ST7L: variants seen among roughly 807,000 people sequenced by gnomAD.
ST7L encodes the protein suppressor of tumorigenicity 7 protein-like.
In ST7L, 57 loss-of-function variants were observed where a neutral mutation model predicts 72.5. The observed-to-expected ratio is 0.79, with a 90% CI of 0.64 to 0.98. The LOEUF is 0.98. Ranked by LOEUF, ST7L falls within the 50% of genes least tolerant of loss-of-function variation. The probability of loss-of-function intolerance (pLI) is 0.00; values close to 1 mark genes in which losing one functional copy is unlikely to be tolerated. For synonymous variants in ST7L, 221 were observed against 240.9 expected, an observed-to-expected ratio of 0.92 and a Z score of 0.77; for missense variants, 576 against 672.2, an observed-to-expected ratio of 0.86 and a Z score of 1.58.
chr1:112,593,332 T>C (rs1339886700), intron 5 of ST7L, among the ~76,000 whole-genome samples: 2 of 152,200 alleles, frequency 1.3e-5, no homozygotes, highest in African/African-American at 2.4e-5. Flanking sequence ...AACAAAATGC[T>C]GATTTGGTAT....
chr1:112,530,271 T>C (rs1654155890), intron 14 of ST7L: 2 of 152,246 alleles, frequency 1.3e-5, no homozygotes, highest in Admixed American at 6.5e-5. Context: ...AGTATTATTA[T>C]AATATTTGCA....
intron 13 of ST7L, among the ~76,000 whole-genome samples, chr1:112,546,765 T>C (rs991011338): frequency 1.3e-5 from 2 of 152,158 alleles, no homozygotes; most frequent in Admixed American, 6.6e-5. Context: ...AGTTTGAAGT[T>C]GCTCTCTATT....
At chr1:112,590,096 T>C (rs1280104626) in intron 6 of ST7L, among the ~76,000 whole-genome samples, 1 of 152,240 alleles carries the variant, frequency 6.6e-6, no homozygotes, top group Admixed American at 6.5e-5. Context: ...ATGTCAATTC[T>C]GGGAGAGTTT....
At chr1:112,547,521 T>C (rs1204248207) in intron 13 of ST7L, among the ~76,000 whole-genome samples, 1 of 145,946 alleles carries the variant, frequency 6.9e-6, no homozygotes, top group Non-Finnish European at 1.5e-5. Flanking sequence ...ATGTATTCCA[T>C]ACATGTAGCA....
intron 7 of ST7L, among the ~76,000 whole-genome samples, chr1:112,583,720 A>C (rs1664459784): frequency 6.6e-6 from 1 of 152,198 alleles, no homozygotes; most frequent in Admixed American, 6.5e-5. Flanking sequence ...ACATGAAATA[A>C]ATTACTGTTA....
At chr1:112,591,625 A>G in intron 5 of ST7L, 22 bp from the exon 6 acceptor site, 1 of 1,584,210 alleles carries the variant, frequency 6.3e-7, no homozygotes, top group South Asian at 1.1e-5. Flanking sequence ...AATTCCATAA[A>G]ATAGATGAGA....
intron 9 of ST7L, among the ~76,000 whole-genome samples, chr1:112,579,950 A>G (rs1663817885): frequency 6.6e-6 from 1 of 152,214 alleles, no homozygotes; most frequent in South Asian, 2.1e-4. Flanking sequence ...TGTATCCAGT[A>G]AGTTACATAT....
At chr1:112,589,557 T>C (rs1665371506) in intron 6 of ST7L, among the ~76,000 whole-genome samples, 1 of 152,248 alleles carries the variant, frequency 6.6e-6, no homozygotes, top group South Asian at 2.1e-4. Flanking sequence ...GTTGTTTGTT[T>C]AGTGACTTTT....
chr1:112,524,010 C>T lies in ST7L; in HGVS notation c.*2003G>A, dbSNP rs201433929. 1 of 150,748 alleles carries T rather than the reference C, an allele frequency of 6.6e-6. No homozygotes were observed. 9.3% of individuals were successfully genotyped at this position (150,748 alleles called of 1,614,324 possible). ...AGGGGCTTCAGATTAAAAAAAAAAA[C>T]AAAAAACAAAAAACAAAAACAAACA... On this transcript the variant is annotated 3_prime_UTR_variant, in exon 15 of 15. Transcript: ENST00000358039.
intron 2 of ST7L, among the ~76,000 whole-genome samples, chr1:112,616,226 G>T (rs573741203): frequency 1.4e-4 from 22 of 152,132 alleles, no homozygotes; most frequent in Admixed American, 7.2e-4. Context: ...TTACCAACTT[G>T]GGCTCTGCAG....
intron 1 of ST7L, 50 bp from the exon 2 acceptor site, chr1:112,616,945 C>T (rs1367320660): frequency 2.3e-6 from 3 of 1,294,594 alleles, no homozygotes; most frequent in Non-Finnish European, 3.3e-6. Flanking sequence ...ATTTAAAGTA[C>T]TTAGGTTACA....
chr1:112,552,110 A>C (rs886167720), intron 12 of ST7L, among the ~76,000 whole-genome samples: 2 of 151,668 alleles, frequency 1.3e-5, no homozygotes, highest in African/African-American at 4.8e-5. Context: ...ACTCACACAC[A>C]CCCCCACACT....
At chr1:112,552,523 G>T (rs1557967014) in intron 12 of ST7L, among the ~76,000 whole-genome samples, 1 of 152,108 alleles carries the variant, frequency 6.6e-6, no homozygotes. Flanking sequence ...TCCTGCCTCA[G>T]CCTCCCAAGT....
intron 11 of ST7L, among the ~76,000 whole-genome samples, chr1:112,564,389 C>CACAG (rs1491277313): frequency 6.6e-6 from 1 of 151,080 alleles, no homozygotes; most frequent in African/African-American, 2.4e-5. Flanking sequence ...AAGTTTGGGT[C>CACAG]ACAGACTTCA....
At position 112,599,534 on chromosome 1, in the gene ST7L, T is replaced by C. The variant is rs1161605144; in HGVS notation, c.506+1260A>G. 2.0e-5 allele frequency among the ~76,000 whole-genome samples: 3 copies of C among 152,194 alleles called. No homozygotes were observed. In the South Asian group the frequency reaches 6.2e-4, roughly 32 times the overall value. ...ATCTTTGCTCATAAGTTTCAAAAGA[T>C]GTTTTCTCATTTAGAGTTAAAAACC... On this transcript the variant is annotated intron_variant, in intron 4 of 14. Transcript: ENST00000358039.
intron 11 of ST7L, among the ~76,000 whole-genome samples, chr1:112,561,763 C>T (rs957760775): frequency 2.0e-5 from 3 of 151,426 alleles, no homozygotes; most frequent in Non-Finnish European, 2.9e-5. Context: ...TACAGGCATG[C>T]GTTGCCCGGC....
chr1:112,548,004 G>T (rs536173282), intron 13 of ST7L, among the ~76,000 whole-genome samples: 1 of 152,076 alleles, frequency 6.6e-6, no homozygotes, highest in South Asian at 2.1e-4. Flanking sequence ...TAATGAATTT[G>T]ATTAATTCAA....
chr1:112,520,550 C>T (rs1476741681), downstream of ST7L: 6 of 1,596,914 alleles, frequency 3.8e-6, no homozygotes, highest in African/African-American at 8.1e-5. Context: ...TCAAGCCTCT[C>T]AACTCAAAAG....
At chr1:112,546,152 C>G (rs1396303824) in intron 13 of ST7L, among the ~76,000 whole-genome samples, 1 of 151,876 alleles carries the variant, frequency 6.6e-6, no homozygotes, top group East Asian at 1.9e-4. Context: ...AACCTCACCT[C>G]TACCAAAAAT....
Sources: allele counts gnomAD v4.1 joint callset (sites outside exome capture counted in the v4.1 genomes callset), GRCh38; gene constraint gnomAD v4.1.1; transcripts MANE v1.5; gene names NCBI Gene and HGNC (gene_info 2026-07-23, HGNC 2026-07-21).